Variants in PGM1 observed in about 807,000 individuals in gnomAD.
The protein encoded by PGM1 is phosphoglucomutase 1.
A neutral mutation model predicts 55.6 loss-of-function variants in PGM1; 52 were observed. The ratio of observed to expected loss-of-function variants is 0.94; its 90% CI spans 0.75 to 1.18. The LOEUF (loss-of-function observed/expected upper bound fraction) is 1.18. Among genes scored for constraint, PGM1 ranks in the 50% most tolerant of loss-of-function variants. The probability of loss-of-function intolerance (pLI) is 0.00; values close to 1 mark genes in which losing one functional copy is unlikely to be tolerated. For synonymous variants in PGM1, 287 were observed against 271.7 expected, an observed-to-expected ratio of 1.06 and a Z score of -0.55; for missense variants, 724 against 729.3, an observed-to-expected ratio of 0.99 and a Z score of 0.08.
intron 10 of PGM1, among the ~76,000 whole-genome samples, chr1:63,659,128 G>A (rs1264024544): frequency 1.3e-5 from 2 of 152,190 alleles, no homozygotes. Flanking sequence ...GGGACACAGA[G>A]CCAAACCACA....
intron 7 of PGM1, among the ~76,000 whole-genome samples, chr1:63,642,803 CTTTGCAAATTTCTTT>C (rs1303460412): frequency 6.6e-6 from 1 of 152,184 alleles, no homozygotes; most frequent in Non-Finnish European, 1.5e-5. Context: ...AGCATTAACA[CTTTGCAAATTTCTTT>C]TAATTTTTAG....
In PGM1 at chr1:63,636,401, A is replaced by T. The variant is rs778500686; in HGVS notation, c.1028+13A>T. The T allele has an allele frequency of 1.2e-6, 2 of 1,613,466 alleles. No homozygotes were observed. Among genetic ancestry groups the T allele is most frequent in the South Asian group, 1.1e-5 (1 of 91,058 alleles). On this transcript the variant is annotated intron_variant, in intron 6 of 10. Transcript: ENST00000371084. Reference sequence around the variant, plus strand: ...GTGCTCTGGACCGGTAGGTGTCTCCATTCCCTTGGCCTTCCTGTCTTAGGT... The same window carrying T: ...GTGCTCTGGACCGGTAGGTGTCTCCTTTCCCTTGGCCTTCCTGTCTTAGGT...
At chr1:63,652,291 A>G (rs1048099436) in intron 9 of PGM1, among the ~76,000 whole-genome samples, 2 of 152,214 alleles carry the variant, frequency 1.3e-5, no homozygotes, top group East Asian at 3.8e-4. Context: ...TTTCTCTCGT[A>G]TGTTCTAATT....
chr1:63,616,213 C>T (rs1474832552), intron 1 of PGM1, among the ~76,000 whole-genome samples: 2 of 152,180 alleles, frequency 1.3e-5, no homozygotes, highest in East Asian at 3.9e-4. Context: ...AAATAAAAGA[C>T]ATAGAAAAAT....
intron 1 of PGM1, among the ~76,000 whole-genome samples, chr1:63,613,698 T>C (rs1039694312): frequency 6.7e-6 from 1 of 148,582 alleles, no homozygotes; most frequent in South Asian, 2.1e-4. Flanking sequence ...AAGACTTCAA[T>C]GTATCTTTTT....
At chr1:63,652,411 C>T (rs780119288) in intron 9 of PGM1, among the ~76,000 whole-genome samples, 57 of 152,308 alleles carry the variant, frequency 3.7e-4, no homozygotes, top group Non-Finnish European at 2.9e-4. Context: ...CCTGGCAAGA[C>T]GCCACAGTTT....
chr1:63,638,835 T>G (rs778184206), intron 7 of PGM1, 35 bp downstream of exon 7: 1 of 1,387,306 alleles, frequency 7.2e-7, no homozygotes, highest in Admixed American at 1.7e-5. Flanking sequence ...TTTTCCTCCC[T>G]GTAACCACTA....
At chr1:63,632,545 T>C (rs1284645678) in intron 4 of PGM1, among the ~76,000 whole-genome samples, 1 of 152,200 alleles carries the variant, frequency 6.6e-6, no homozygotes, top group Non-Finnish European at 1.5e-5. Context: ...GCCTCTGGAC[T>C]CCCATAGAAT....
At chr1:63,623,903 G>C in intron 1 of PGM1, 1 of 614,202 alleles carries the variant, frequency 1.6e-6, no homozygotes, top group South Asian at 2.2e-5. Flanking sequence ...TAACTTCAGT[G>C]ATTGTATATT....
chr1:63,618,581 C>T (rs1368979210), intron 1 of PGM1, among the ~76,000 whole-genome samples: 3 of 152,228 alleles, frequency 2.0e-5, no homozygotes, highest in East Asian at 1.9e-4. Context: ...TATTTGTATC[C>T]TATGTGATAT....
chr1:63,605,084 A>G, intron 1 of PGM1, among the ~76,000 whole-genome samples: 1 of 152,168 alleles, frequency 6.6e-6, no homozygotes. Context: ...GAGTAGGTCC[A>G]CAGGGAACCC....
Position 63,636,358 on chromosome 1 carries a change from G to A in PGM1, c.998G>A (p.Arg333Gln), listed in dbSNP as rs763163933. The change falls in exon 6 of 11, where the codon CGG (arginine) becomes CAG (glutamine). Residue 333 changes from arginine to glutamine, a missense_variant. Coordinates refer to ENST00000371084, the MANE Select transcript of PGM1 (RefSeq NM_002633.3). ...FQQTGVRGFA[R>Q]SMPTSGALDR... is the part of the protein sequence containing the mutation. ...CAGACTGGGGTCCGCGGCTTTGCAC[G>A]GAGCATGCCCACGAGTGGTGCTCTG... The A allele has an allele frequency of 2.5e-6, 4 of 1,614,102 alleles. No individual in the cohort carries two copies. In the South Asian group the frequency reaches 3.3e-5, roughly 13 times the overall value.
intron 10 of PGM1, among the ~76,000 whole-genome samples, chr1:63,656,971 C>T (rs930440783): frequency 1.3e-5 from 2 of 152,042 alleles, no homozygotes; most frequent in Non-Finnish European, 2.9e-5. Flanking sequence ...CTTAATTGTT[C>T]TCACTATCAC....
chr1:63,619,240 A>G (rs1352443224), intron 1 of PGM1, among the ~76,000 whole-genome samples: 1 of 152,246 alleles, frequency 6.6e-6, no homozygotes, highest in Non-Finnish European at 1.5e-5. Flanking sequence ...ACCTGGCCTC[A>G]GGCCTTCACT....
intron 7 of PGM1, among the ~76,000 whole-genome samples, chr1:63,640,000 A>C (rs1401841761): frequency 6.6e-6 from 1 of 152,232 alleles, no homozygotes; most frequent in Non-Finnish European, 1.5e-5. Flanking sequence ...ACAGTTTCCC[A>C]AAGTTGTGGG....
intron 6 of PGM1, among the ~76,000 whole-genome samples, chr1:63,637,658 A>G (rs72920886): frequency 0.16 from 23,651 of 152,202 alleles, 2,770 homozygotes; most frequent in African/African-American, 0.33. Context: ...CACGTCTACC[A>G]TCAGGTCCTG....
intron 1 of PGM1, among the ~76,000 whole-genome samples, chr1:63,613,032 C>T (rs1648610130): frequency 6.6e-6 from 1 of 152,132 alleles, no homozygotes; most frequent in Admixed American, 6.5e-5. Context: ...ATTCCAGGTA[C>T]TGAGGTTAAA....
At chr1:63,626,230 C>CCA (rs1649011368) in intron 1 of PGM1, among the ~76,000 whole-genome samples, 8 of 152,152 alleles carry the variant, frequency 5.3e-5, no homozygotes. Context: ...ATCAGATTTA[C>CCA]CATTTTAACC....
intron 7 of PGM1, among the ~76,000 whole-genome samples, chr1:63,643,378 G>T (rs1369076671): frequency 6.6e-6 from 1 of 152,220 alleles, no homozygotes; most frequent in Admixed American, 6.5e-5. Context: ...AGTGTAAAGT[G>T]AAGTTTGTGT....
Sources: gnomAD v4.1 joint callset for allele counts (sites outside exome capture counted in the v4.1 genomes callset) on GRCh38, gnomAD v4.1.1 for gene constraint, MANE v1.5 for transcripts, NCBI Gene and HGNC (gene_info 2026-07-23, HGNC 2026-07-21) for gene names.